The following ADRB3 variants were observed in gnomAD, a reference collection of about 807,000 sequenced individuals.
The protein encoded by ADRB3 is beta-3 adrenergic receptor.
ADRB3 carries 33 observed loss-of-function variants against 23.8 expected under a neutral mutation model. That is an observed-to-expected ratio of 1.38 (90% confidence interval 1.05 to 1.85). The LOEUF is 1.85. Ranked by LOEUF, ADRB3 falls within the 40% of genes most tolerant of loss-of-function variation. The pLI is 0.00. For synonymous variants in ADRB3, 289 were observed against 273.0 expected, an observed-to-expected ratio of 1.06 and a Z score of -0.58; for missense variants, 600 against 579.6, an observed-to-expected ratio of 1.04 and a Z score of -0.36.
rs199629529 is a variant in ADRB3, at chr8:37,965,981, G to A, written c.489C>T (p.Val163=). ...CARTAVVLVW[V]VSAAVSFAPI... Reference sequence around the variant, plus strand: ...GCGCAAACGACACCGCGGCCGACACGACCCACACCAGGACCACAGCTGTCC... The same window carrying A: ...GCGCAAACGACACCGCGGCCGACACAACCCACACCAGGACCACAGCTGTCC... The change falls in exon 1 of 2, where the codon GTC becomes GTT. Residue 163 remains valine, a synonymous_variant. Coordinates refer to ENST00000345060, the MANE Select transcript of ADRB3 (RefSeq NM_000025.3). 1.7e-4 allele frequency: 261 copies of A among 1,570,104 alleles called. 2 individuals carry two copies. Among genetic ancestry groups the A allele is most frequent in the Admixed American group, 6.0e-4 (32 of 53,120 alleles).
At chr8:37,965,244 C>T (rs1397271216) in intron 1 of ADRB3, 21 bp downstream of exon 1, 1 of 1,491,558 alleles carries the variant, frequency 6.7e-7, no homozygotes, top group East Asian at 2.4e-5. Context: ...AGCCGCCGGT[C>T]CCTCTGCCCC....
At position 37,964,068 on chromosome 8, in the gene ADRB3, G is replaced by A. The variant is rs1008192667; in HGVS notation, c.*150C>T. On this transcript the variant is annotated 3_prime_UTR_variant, in exon 2 of 2. Transcript: ENST00000345060. ...AGGATGGTGAAAACCCACTTGGTAA[G>A]GATCCCTCCTTGGGTCACATGGCCC... 3.1e-6 allele frequency: 2 copies of A among 647,260 alleles called. No individual in the cohort carries two copies. The highest frequency in any genetic ancestry group is 3.7e-5 in the African/African-American group (2 of 54,240). The allele number at this position is 647,260 out of a possible 1,614,324, so 40.1% of individuals were successfully genotyped here.
In ADRB3 at chr8:37,966,223, C is replaced by T. The variant is rs773500249; in HGVS notation, c.247G>A (p.Asp83Asn). 3 of 1,613,280 alleles carry T rather than the reference C, an allele frequency of 1.9e-6. No homozygotes were observed. The highest frequency in any genetic ancestry group is 3.3e-5 in the Admixed American group (2 of 59,956). The change falls in exon 1 of 2, where the codon GAC becomes AAC. Residue 83 changes from aspartate (D) to asparagine (N), a missense_variant. Asp to Asn is a conservative substitution (Grantham distance 23). Coordinates refer to ENST00000345060, the MANE Select transcript of ADRB3 (RefSeq NM_000025.3). Reference sequence around the variant, plus strand: ...ACCACCAGGAGTCCCATCACCAGGTCGGCTGCGGCCAGCGAAGTCACGAAC... The same window carrying T: ...ACCACCAGGAGTCCCATCACCAGGTTGGCTGCGGCCAGCGAAGTCACGAAC... ...NVFVTSLAAA[D>N]LVMGLLVVPP... is the part of the protein sequence containing the mutation.
rs1808253112 is a variant in ADRB3, at chr8:37,964,146, T to A, written c.*72A>T. On this transcript the variant is annotated 3_prime_UTR_variant, in exon 2 of 2. Transcript: ENST00000345060. ...TCACAGCCGGGGAATCCCATGGGAC[T>A]CATTCTGAACAGAGGCCAGAGGTTT... 3.7e-6 allele frequency: 5 copies of A among 1,352,078 alleles called. No individual in the cohort carries two copies. Among genetic ancestry groups the A allele is most frequent in the Non-Finnish European group, 5.3e-6 (5 of 944,028 alleles). The allele number at this position is 1,352,078 out of a possible 1,614,324, so 83.8% of individuals were successfully genotyped here. A position where few individuals can be genotyped will look rare whatever the true frequency, so the allele number is the denominator to read the frequency against.
Position 37,965,392 on chromosome 8 carries a change from G to A in ADRB3, c.1078C>T (p.Leu360=), listed in dbSNP as rs1808278785. ...PDFRSAFRRL[L]CRCGRRLPPE... ...GGCAGGCGACGGCCGCAGCGGCACA[G>A]AAGACGGCGGAAGGCGCTGCGAAAG... Residue 360 remains leucine (L), a synonymous_variant, in exon 1 of 2, where the codon CTG becomes TTG. Transcript: ENST00000345060. 1 of 1,548,244 alleles carries A rather than the reference G, an allele frequency of 6.5e-7. No individual in the cohort carries two copies.
rs769566707 is a variant in ADRB3 at position 37,966,016 on chromosome 8, G to T, written c.454C>A (p.Arg152Ser). Residue 152 changes from arginine (R) to serine (S), a missense_variant, in exon 1 of 2, where the codon CGC becomes AGC. Coordinates refer to ENST00000345060, the MANE Select transcript of ADRB3 (RefSeq NM_000025.3). ...AGGACCACAGCTGTCCGGGCGCAGC[G>T]CTTGGTGACCAGTGCGCCGTAACGC... ...PLRYGALVTK[R>S]CARTAVVLVW... 5.1e-6 allele frequency: 8 copies of T among 1,577,192 alleles called. No homozygotes were observed. In the Admixed American group the frequency reaches 5.6e-5, roughly 11 times the overall value.
Position 37,966,525 on chromosome 8 carries a change from C to A in ADRB3, c.-56G>T. 1.3e-6 allele frequency: 2 copies of A among 1,523,850 alleles called. No homozygotes were observed. The highest frequency in any genetic ancestry group is 2.4e-5 in the East Asian group (1 of 41,158). The allele number at this position is 1,523,850 out of a possible 1,614,324, so 94.4% of individuals were successfully genotyped here. A position where few individuals can be genotyped will look rare whatever the true frequency, so the allele number is the denominator to read the frequency against. The stretch of plus-strand genomic sequence containing the variant: ...GAAGGAAGGAGGGGGTCTCCCAAAT[C>A]ACCTGGCTCAGGGGAGGGGACAGCA... On this transcript the variant is annotated 5_prime_UTR_variant, in exon 1 of 2. Transcript: ENST00000345060.
chr8:37,966,136 G>C lies in ADRB3; in HGVS notation c.334C>G (p.Leu112Val), dbSNP rs1412743069. 6.2e-7 allele frequency: 1 copy of C among 1,611,170 alleles called. No individual in the cohort carries two copies. Among genetic ancestry groups the C allele is most frequent in the Non-Finnish European group, 8.5e-7 (1 of 1,179,002 alleles). ...CACAGCACGTCCACCGAGGTCCACA[G>C]CTCGCAGCCAGTGGCGCCCAACGGC... ...HWPLGATGCE[L>V]WTSVDVLCVT... Residue 112 changes from leucine (L) to valine (V), a missense_variant, in exon 1 of 2, where the codon CTG becomes GTG. Leu to Val is a conservative substitution (Grantham distance 32, BLOSUM62 1). Coordinates refer to ENST00000345060, the MANE Select transcript of ADRB3 (RefSeq NM_000025.3).
chr8:37,965,664 G>T lies in ADRB3; in HGVS notation c.806C>A (p.Pro269His), dbSNP rs1247227204. Residue 269 changes from proline (P) to histidine (H), a missense_variant, in exon 1 of 2, where the codon CCC becomes CAC. Physicochemically the swap from Pro to His is moderately conservative, Grantham distance 77. Transcript: ENST00000345060. ...CCGGCCGCAGGCGGGCACCCCTTCG[G>T]GCGGAGCGCACGTCCCCACCGGGGC... ...APAPVGTCAP[P>H]EGVPACGRRP... The T allele has an allele frequency of 2.0e-6, 3 of 1,537,928 alleles. No homozygotes were observed. The highest frequency in any genetic ancestry group is 2.6e-6 in the Non-Finnish European group (3 of 1,142,098).
chr8:37,965,976 G>A lies in ADRB3; in HGVS notation c.494C>T (p.Ser165Leu). The A allele has an allele frequency of 1.3e-6, 2 of 1,567,832 alleles. No individual in the cohort carries two copies. The highest frequency in any genetic ancestry group is 1.7e-6 in the Non-Finnish European group (2 of 1,156,204). The change falls in exon 1 of 2, where the codon TCG becomes TTG. Residue 165 changes from serine (S) to leucine (L), a missense_variant. Coordinates refer to ENST00000345060, the MANE Select transcript of ADRB3 (RefSeq NM_000025.3). ...GATGGGCGCAAACGACACCGCGGCCGACACGACCCACACCAGGACCACAGC... is the reference window on the plus strand; with the variant it reads ...GATGGGCGCAAACGACACCGCGGCCAACACGACCCACACCAGGACCACAGC... ...RTAVVLVWVVSAAVSFAPIMS... is the reference protein window; with the variant it reads ...RTAVVLVWVVLAAVSFAPIMS...
Position 37,965,502 on chromosome 8 carries a change from A to G in ADRB3, c.968T>C (p.Val323Ala). Residue 323 changes from valine to alanine, a missense_variant, in exon 1 of 2, where the codon GTC (valine) becomes GCC (alanine). Val to Ala is a moderately conservative substitution (Grantham distance 64). Transcript: ENST00000345060. The part of the protein sequence containing the change: ...VLRALGGPSL[V>A]PGPAFLALNW... ...CAGGGCAAGGAAAGCCGGGCCCGGGACTAGAGAGGGGCCCCCCAGGGCGCG... is the reference window on the plus strand; with the variant it reads ...CAGGGCAAGGAAAGCCGGGCCCGGGGCTAGAGAGGGGCCCCCCAGGGCGCG... 6.4e-7 allele frequency: 1 copy of G among 1,552,006 alleles called. No homozygotes were observed. Among genetic ancestry groups the G allele is most frequent in the Non-Finnish European group, 8.7e-7 (1 of 1,147,412 alleles).
chr8:37,965,723 C>G lies in ADRB3; in HGVS notation c.747G>C (p.Glu249Asp). 1 of 1,549,100 alleles carries G rather than the reference C, an allele frequency of 6.5e-7. No homozygotes were observed. The highest frequency in any genetic ancestry group is 8.7e-7 in the Non-Finnish European group (1 of 1,146,008). The change falls in exon 1 of 2, where the codon GAG (glutamate) becomes GAC (aspartate). Residue 249 changes from glutamate to aspartate, a missense_variant. Transcript: ENST00000345060. ...RGELGRFPPE[E>D]SPPAPSRSLA... ...GAGAGCGCGACGGCGCCGGCGGAGA[C>G]TCCTCGGGCGGAAAGCGGCCCAGCT... is the stretch of plus-strand genomic sequence containing the variant.
rs1171052390 is a variant in ADRB3 at position 37,965,550 on chromosome 8, G to A, written c.920C>T (p.Pro307Leu). 1.3e-6 allele frequency: 2 copies of A among 1,550,772 alleles called. No homozygotes were observed. Among genetic ancestry groups the A allele is most frequent in the Admixed American group, 3.9e-5 (2 of 51,018 alleles). ...IMGTFTLCWL[P>L]FFLANVLRAL... ...GCGCAGCACGTTGGCCAGAAAGAAG[G>A]GCAACCAGCAGAGAGTGAAGGTGCC... is the stretch of plus-strand genomic sequence containing the variant. The change falls in exon 1 of 2, where the codon CCC becomes CTC. Residue 307 changes from proline (P) to leucine (L), a missense_variant. Physicochemically the swap from Pro to Leu is moderately conservative, Grantham distance 98. Transcript: ENST00000345060.
In ADRB3 at chr8:37,965,471, C is replaced by T. The variant is rs1423993948; in HGVS notation, c.999G>A (p.Trp333Ter). 6.4e-7 allele frequency: 1 copy of T among 1,552,144 alleles called. No individual in the cohort carries two copies. Among genetic ancestry groups the T allele is most frequent in the Non-Finnish European group, 8.7e-7 (1 of 1,147,424 alleles). The change falls in exon 1 of 2, where the codon TGG becomes TGA. Residue 333 changes from tryptophan to a stop codon, truncating the protein, a stop_gained. Transcript: ENST00000345060. LOFTEE classifies it high-confidence loss of function. The part of the protein sequence containing the change: ...VPGPAFLALN[W>*]LGYANSAFNP... ...TGAAGGCAGAATTGGCATAACCTAGCCAGTTCAGGGCAAGGAAAGCCGGGC... is the reference window on the plus strand; with the variant it reads ...TGAAGGCAGAATTGGCATAACCTAGTCAGTTCAGGGCAAGGAAAGCCGGGC...
chr8:37,963,831 C>T lies in ADRB3; in HGVS notation c.*387G>A, dbSNP rs1403713446. ...AGCCTGGGCCACAGAGCCTGGAGAA[C>T]ACTAAGGTCTCATCAGGGTTTGGGT... On this transcript the variant is annotated 3_prime_UTR_variant, in exon 2 of 2. Transcript: ENST00000345060. The T allele has an allele frequency of 2.6e-5, 5 of 193,954 alleles. No homozygotes were observed. The highest frequency in any genetic ancestry group is 5.3e-5 in the Non-Finnish European group (5 of 95,004). The allele number at this position is 193,954 out of a possible 1,614,324, so 12.0% of individuals were successfully genotyped here. A position where few individuals can be genotyped will look rare whatever the true frequency, so the allele number is the denominator to read the frequency against.
Position 37,963,942 on chromosome 8 carries a change from C to T in ADRB3, c.*276G>A. 2.4e-6 allele frequency: 1 copy of T among 411,862 alleles called. No homozygotes were observed. Among genetic ancestry groups the T allele is most frequent in the Non-Finnish European group, 4.4e-6 (1 of 226,098 alleles). 25.5% of individuals were successfully genotyped at this position (411,862 alleles called of 1,614,324 possible). ...CAAGCCGGGTGATGGGTGCCCCTACCAAAGCCAGCCTGCTGCTCCACGGCA... is the reference window on the plus strand; with the variant it reads ...CAAGCCGGGTGATGGGTGCCCCTACTAAAGCCAGCCTGCTGCTCCACGGCA... On this transcript the variant is annotated 3_prime_UTR_variant, in exon 2 of 2. Transcript: ENST00000345060.
intron 1 of ADRB3, among the ~76,000 whole-genome samples, chr8:37,964,650 G>A (rs1808261730): frequency 6.6e-6 from 1 of 152,198 alleles, no homozygotes; most frequent in South Asian, 2.1e-4. Context: ...AACTAGAGCC[G>A]ACCCGGCGCC....
chr8:37,964,525 G>A (rs1039240734), intron 1 of ADRB3, among the ~76,000 whole-genome samples: 1 of 142,610 alleles, frequency 7.0e-6, no homozygotes, highest in South Asian at 2.3e-4. Context: ...CAGAACTGAG[G>A]CCGAGGGCTT....
In ADRB3 at chr8:37,965,296, C is replaced by A; in HGVS notation, c.1174G>T (p.Ala392Ser). Residue 392 changes from alanine (A) to serine (S), a missense_variant, in exon 1 of 2, where the codon GCG (alanine) becomes TCG (serine). Transcript: ENST00000345060. Reference sequence around the variant, plus strand: ...AGCCGTTGGCAAAGCCTGGGCTGCGCTGGGCTGCTCCGGGCCGCAGGAACG... The same window carrying A: ...AGCCGTTGGCAAAGCCTGGGCTGCGATGGGCTGCTCCGGGCCGCAGGAACG... ...SGVPAARSSPAQPRLCQRLDG... is the reference protein window; with the variant it reads ...SGVPAARSSPSQPRLCQRLDG... 1 of 1,540,744 alleles carries A rather than the reference C, an allele frequency of 6.5e-7. No individual in the cohort carries two copies.
Sources: allele counts gnomAD v4.1 joint callset (sites outside exome capture counted in the v4.1 genomes callset), GRCh38; gene constraint gnomAD v4.1.1; transcripts MANE v1.5; gene names NCBI Gene and HGNC (gene_info 2026-07-23, HGNC 2026-07-21).